The following CPA6 variants were observed in gnomAD, a reference collection of about 807,000 sequenced individuals.
CPA6 encodes the protein carboxypeptidase A6, also known as carboxypeptidase B.
A neutral mutation model predicts 63.3 loss-of-function variants in CPA6; 58 were observed. The ratio of observed to expected loss-of-function variants is 0.92; its 90% CI spans 0.74 to 1.14. The LOEUF is 1.14. CPA6 is among the 50% of genes most tolerant of loss of function. The pLI is 0.00. For synonymous variants in CPA6, 185 were observed against 179.0 expected, an observed-to-expected ratio of 1.03 and a Z score of -0.27; for missense variants, 565 against 526.6, an observed-to-expected ratio of 1.07 and a Z score of -0.71.
intron 1 of CPA6, among the ~76,000 whole-genome samples, chr8:67,660,454 T>G (rs940128184): frequency 6.8e-6 from 1 of 147,318 alleles, no homozygotes; most frequent in Non-Finnish European, 1.5e-5. Context: ...CTCAGGCTCC[T>G]GAATAGCTGA....
At chr8:67,708,417 C>A (rs139133099) in intron 1 of CPA6, among the ~76,000 whole-genome samples, 1 of 152,180 alleles carries the variant, frequency 6.6e-6, no homozygotes, top group Admixed American at 6.5e-5. Context: ...AAGTTGTTTT[C>A]GAGTTTTTGT....
chr8:67,487,181 T>C (rs1438495665), intron 6 of CPA6, among the ~76,000 whole-genome samples: 2 of 152,134 alleles, frequency 1.3e-5, no homozygotes, highest in Non-Finnish European at 2.9e-5. Flanking sequence ...ATTAGGTGTT[T>C]CTCCTAATGT....
At chr8:67,448,116 G>A (rs994047835) in intron 8 of CPA6, among the ~76,000 whole-genome samples, 1 of 152,152 alleles carries the variant, frequency 6.6e-6, no homozygotes, top group Non-Finnish European at 1.5e-5. Context: ...GTGTGCTTGT[G>A]TTCATACTTT....
chr8:67,571,496 C>T (rs1196769384), intron 2 of CPA6, among the ~76,000 whole-genome samples: 1 of 152,090 alleles, frequency 6.6e-6, no homozygotes, highest in Non-Finnish European at 1.5e-5. Context: ...GAAATCATAT[C>T]AAATATTTTT....
intron 6 of CPA6, among the ~76,000 whole-genome samples, chr8:67,489,674 G>A (rs1335749606): frequency 1.3e-5 from 2 of 151,930 alleles, no homozygotes; most frequent in African/African-American, 4.8e-5. Context: ...TAATTATTGG[G>A]TAAAGATACT....
chr8:67,490,056 A>G (rs1811571292), intron 6 of CPA6, among the ~76,000 whole-genome samples: 3 of 152,142 alleles, frequency 2.0e-5, no homozygotes, highest in African/African-American at 7.2e-5. Context: ...GCTATTCTCC[A>G]TCTGGTCACA....
At chr8:67,513,099 T>C (rs1393901) in intron 3 of CPA6, among the ~76,000 whole-genome samples, 69,306 of 151,994 alleles carry the variant, frequency 0.46, 17,300 homozygotes, top group African/African-American at 0.69. Context: ...CGAGGTAAGG[T>C]GAGGTGGCTC....
Position 67,624,233 on chromosome 8 carries a change from A to G in CPA6, c.135T>C (p.Phe45=). Residue 45 remains phenylalanine, a synonymous_variant, in exon 2 of 11, where the codon TTT becomes TTC. Coordinates refer to ENST00000297770, the MANE Select transcript of CPA6 (RefSeq NM_020361.5). The stretch of plus-strand genomic sequence containing the variant: ...ATGCTTCCTCTTCTGTTTTGGGAAT[A>G]AATCTTATCACTTTATCACTACAAG... The part of the protein sequence containing the change: ...NRYAGDKVIR[F]IPKTEEEAYA... 1 of 1,531,054 alleles carries G rather than the reference A, an allele frequency of 6.5e-7. No homozygotes were observed. Among genetic ancestry groups the G allele is most frequent in the Non-Finnish European group, 9.0e-7 (1 of 1,108,122 alleles). 94.8% of individuals were successfully genotyped at this position (1,531,054 alleles called of 1,614,324 possible).
chr8:67,580,342 A>G (rs920386742), intron 2 of CPA6, among the ~76,000 whole-genome samples: 4 of 152,226 alleles, frequency 2.6e-5, no homozygotes, highest in African/African-American at 9.6e-5. Context: ...TTGAGATAGC[A>G]TCATTTAGGT....
intron 2 of CPA6, among the ~76,000 whole-genome samples, chr8:67,608,339 A>G (rs2128984629): frequency 6.6e-6 from 1 of 152,348 alleles, no homozygotes; most frequent in East Asian, 1.9e-4. Context: ...GAAGAGCAGC[A>G]GAGCCACATG....
intron 2 of CPA6, among the ~76,000 whole-genome samples, chr8:67,536,225 C>A (rs1288725156): frequency 6.6e-6 from 1 of 152,122 alleles, no homozygotes; most frequent in Non-Finnish European, 1.5e-5. Flanking sequence ...TTATCTAATT[C>A]TGTGAAGAAA....
Position 67,438,631 on chromosome 8 carries a change from A to G in CPA6, c.839-4391T>C, listed in dbSNP as rs565789035. 4.6e-5 allele frequency among the ~76,000 whole-genome samples: 7 copies of G among 152,310 alleles called. No homozygotes were observed. In the South Asian group the frequency reaches 8.3e-4, roughly 18 times the overall value. ...CCAGAGAGCCTACTCTACATATCTC[A>G]TATCTACAGCGATATGAGAATCGCA... On this transcript the variant is annotated intron_variant, in intron 8 of 10. Transcript: ENST00000297770.
intron 2 of CPA6, among the ~76,000 whole-genome samples, chr8:67,551,357 C>G (rs1812932924): frequency 6.6e-6 from 1 of 152,074 alleles, no homozygotes. Flanking sequence ...TTTCTTGGCT[C>G]TCTATTGTAT....
At chr8:67,621,485 G>A (rs1213651426) in intron 2 of CPA6, among the ~76,000 whole-genome samples, 1 of 152,188 alleles carries the variant, frequency 6.6e-6, no homozygotes, top group African/African-American at 2.4e-5. Flanking sequence ...CTAGAGGCAA[G>A]AGGCAGGCCT....
At chr8:67,652,517 G>A (rs1815872137) in intron 1 of CPA6, among the ~76,000 whole-genome samples, 1 of 151,760 alleles carries the variant, frequency 6.6e-6, no homozygotes, top group South Asian at 2.1e-4. Context: ...TTTTTCATGT[G>A]TCTTTTGGCT....
chr8:67,722,426 A>G (rs921416840), intron 1 of CPA6, among the ~76,000 whole-genome samples: 1 of 151,716 alleles, frequency 6.6e-6, no homozygotes, highest in African/African-American at 2.4e-5. Context: ...TAATTCTAAT[A>G]AAAAAAAATC....
chr8:67,645,453 C>T (rs1815693565), intron 1 of CPA6, among the ~76,000 whole-genome samples: 1 of 152,194 alleles, frequency 6.6e-6, no homozygotes, highest in Non-Finnish European at 1.5e-5. Flanking sequence ...ATCTTATCTA[C>T]TGGCATATCC....
intron 8 of CPA6, among the ~76,000 whole-genome samples, chr8:67,469,158 A>G (rs1810999039): frequency 6.6e-6 from 1 of 152,222 alleles, no homozygotes; most frequent in Non-Finnish European, 1.5e-5. Flanking sequence ...TGGCTAGGCC[A>G]CAGCACCTAT....
At chr8:67,551,437 T>C (rs1348584425) in intron 2 of CPA6, among the ~76,000 whole-genome samples, 1 of 152,208 alleles carries the variant, frequency 6.6e-6, no homozygotes, top group Non-Finnish European at 1.5e-5. Context: ...TATAGTATAG[T>C]TTGAAATCAG....
Sources: gnomAD v4.1 joint callset for allele counts (sites outside exome capture counted in the v4.1 genomes callset) on GRCh38, gnomAD v4.1.1 for gene constraint, MANE v1.5 for transcripts, NCBI Gene and HGNC (gene_info 2026-07-23, HGNC 2026-07-21) for gene names.